ACER3: variants seen among roughly 807,000 people sequenced by gnomAD.
ACER3 encodes the protein alkaline ceramidase 3, also known as alkCDase 3.
In ACER3, 16 loss-of-function variants were observed where a neutral mutation model predicts 48.9. The ratio of observed to expected loss-of-function variants is 0.33; its 90% CI spans 0.22 to 0.50. The LOEUF (loss-of-function observed/expected upper bound fraction) is 0.50, where lower values mean the gene tolerates loss of function less well. Among genes scored for constraint, ACER3 ranks in the 20% least tolerant of loss-of-function variants. The pLI is 0.98. For missense variants in ACER3, 227 were observed against 326.0 expected, an observed-to-expected ratio of 0.70 and a Z score of 2.34; for synonymous variants, 109 against 107.8, an observed-to-expected ratio of 1.01 and a Z score of -0.07.
chr11:76,976,410 A>G (rs1948444914), intron 4 of ACER3, 69 bp downstream of exon 4: 13 of 839,500 alleles, frequency 1.5e-5, no homozygotes, highest in Admixed American at 5.2e-5. Context: ...GTGGATTAAT[A>G]TAACTGATAC....
intron 5 of ACER3, among the ~76,000 whole-genome samples, chr11:76,987,417 G>A (rs1948707895): frequency 6.6e-6 from 1 of 152,148 alleles, no homozygotes. Flanking sequence ...AGGAAACTTG[G>A]AGGATGAACA....
rs1423853482 is a variant in ACER3, at chr11:77,025,221, C to T, written c.*4894C>T. The T allele has an allele frequency of 2.0e-5, 3 of 151,860 alleles. No homozygotes were observed. The highest frequency in any genetic ancestry group is 4.4e-5 in the Non-Finnish European group (3 of 67,990). 9.4% of individuals were successfully genotyped at this position (151,860 alleles called of 1,614,324 possible). A position where few individuals can be genotyped will look rare whatever the true frequency, so the allele number is the denominator to read the frequency against. On this transcript the variant is annotated 3_prime_UTR_variant, in exon 11 of 11. Transcript: ENST00000532485. ...TCTTTAAGCATATACATATGGTTCC[C>T]TATAAGCATTCATTCAGAGATCATC...
rs76827693 is a variant in ACER3 at position 77,007,862 on chromosome 11, G to A, written c.498-7154G>A. On this transcript the variant is annotated intron_variant, in intron 7 of 10. Coordinates refer to ENST00000532485, the MANE Select transcript of ACER3 (RefSeq NM_018367.7). ...CCATTCAGCCTTTGTTGCATGAGTC[G>A]GAAATCTATTGCATGGCAGGGTGAC... Among the ~76,000 whole-genome samples the A allele has an allele frequency of 5.0e-3, 767 of 152,114 alleles. 28 individuals are homozygous for A. Among genetic ancestry groups the A allele is most frequent in the East Asian group, 0.045 (234 of 5,170 alleles).
chr11:76,904,422 C>T (rs919544207), intron 1 of ACER3, among the ~76,000 whole-genome samples: 1 of 152,104 alleles, frequency 6.6e-6, no homozygotes, highest in Non-Finnish European at 1.5e-5. Context: ...CCCTCCCTGC[C>T]ACCCCCCATA....
chr11:76,910,371 C>A (rs1279097552), intron 1 of ACER3, among the ~76,000 whole-genome samples: 3 of 152,118 alleles, frequency 2.0e-5, no homozygotes, highest in African/African-American at 4.8e-5. Context: ...TCCATTGAAT[C>A]TATTATTTTT....
intron 3 of ACER3, among the ~76,000 whole-genome samples, chr11:76,975,874 CTTTTTT>C (rs34786738): frequency 7.3e-5 from 6 of 82,742 alleles, no homozygotes; most frequent in African/African-American, 2.7e-4. Flanking sequence ...TTTTTCTTTT[CTTTTTT>C]TTTTTTTTTT....
chr11:76,868,003 C>T, intron 1 of ACER3: 2 of 823,640 alleles, frequency 2.4e-6, no homozygotes, highest in Non-Finnish European at 3.3e-6. Flanking sequence ...TTCCTTGCTG[C>T]TGCAGCACAA....
intron 2 of ACER3, among the ~76,000 whole-genome samples, chr11:76,928,892 A>T (rs1396016591): frequency 1.3e-5 from 2 of 152,048 alleles, no homozygotes; most frequent in Admixed American, 6.6e-5. Context: ...AGTCAGGTAG[A>T]GTGATGCCTC....
intron 4 of ACER3, among the ~76,000 whole-genome samples, chr11:76,976,582 A>G (rs949790373): frequency 2.0e-5 from 3 of 152,182 alleles, no homozygotes; most frequent in Non-Finnish European, 2.9e-5. Flanking sequence ...CTTAAATTCC[A>G]TAATTTTCCT....
chr11:76,987,965 A>G (rs142273572), intron 5 of ACER3, among the ~76,000 whole-genome samples: 116 of 152,278 alleles, frequency 7.6e-4, no homozygotes, highest in African/African-American at 2.6e-3. Flanking sequence ...TAAAAGTACA[A>G]CCTAATGAAA....
At chr11:76,984,019 A>T (rs1250720678) in intron 4 of ACER3, among the ~76,000 whole-genome samples, 1 of 151,526 alleles carries the variant, frequency 6.6e-6, no homozygotes, top group Non-Finnish European at 1.5e-5. Flanking sequence ...CGAACTCCTG[A>T]CCTTGTGATC....
At chr11:76,932,513 G>T (rs1947034445) in intron 2 of ACER3, among the ~76,000 whole-genome samples, 1 of 152,022 alleles carries the variant, frequency 6.6e-6, no homozygotes, top group Admixed American at 6.6e-5. Flanking sequence ...TTTTTCTGGG[G>T]TGTTTTCATA....
At chr11:76,983,645 C>T (rs1591029933) in intron 4 of ACER3, among the ~76,000 whole-genome samples, 1 of 152,002 alleles carries the variant, frequency 6.6e-6, no homozygotes, top group East Asian at 1.9e-4. Flanking sequence ...CTTTATATTC[C>T]AATTGTTCAT....
rs988193080 is a variant in ACER3 at position 76,976,374 on chromosome 11, A to C, written c.320+33A>C. The C allele has an allele frequency of 2.2e-6, 3 of 1,385,148 alleles. No individual in the cohort carries two copies. The African/African-American group carries it at 4.3e-5, about 20-fold the overall frequency. The allele number at this position is 1,385,148 out of a possible 1,614,324, so 85.8% of individuals were successfully genotyped here. On this transcript the variant is annotated intron_variant, in intron 4 of 10. Coordinates refer to ENST00000532485, the MANE Select transcript of ACER3 (RefSeq NM_018367.7). The stretch of plus-strand genomic sequence containing the variant: ...CTTTTAAAATTTCATTGTTTGATTT[A>C]TTTTTAAATTTATATTTACCTCATA...
At chr11:76,934,765 G>A (rs61000315) in intron 2 of ACER3, among the ~76,000 whole-genome samples, 3,096 of 150,830 alleles carry the variant, frequency 0.021, 126 homozygotes, top group African/African-American at 0.073. Flanking sequence ...GAGACGGAGA[G>A]GGAGAAGGAG....
At chr11:76,911,634 A>G (rs552604885) in intron 1 of ACER3, among the ~76,000 whole-genome samples, 13 of 152,292 alleles carry the variant, frequency 8.5e-5, no homozygotes, top group Admixed American at 3.3e-4. Flanking sequence ...TGACACTACC[A>G]TGGTGTTTAA....
intron 4 of ACER3, among the ~76,000 whole-genome samples, chr11:76,983,796 A>AT (rs35508689): frequency 7.6e-4 from 109 of 144,098 alleles, no homozygotes; most frequent in East Asian, 1.8e-3. Context: ...ACCTCTAATG[A>AT]TTTTTTTTTT....
chr11:76,969,773 C>T (rs1432805357), intron 3 of ACER3, among the ~76,000 whole-genome samples: 1 of 123,916 alleles, frequency 8.1e-6, no homozygotes, highest in Non-Finnish European at 1.6e-5. Context: ...GGAAGGGGAA[C>T]ATCAGACACT....
intron 6 of ACER3, 112 bp from the exon 7 acceptor site, chr11:76,998,651 G>A: frequency 1.5e-6 from 1 of 685,408 alleles, no homozygotes; most frequent in Non-Finnish European, 2.4e-6. Flanking sequence ...AAAATGTAGT[G>A]AAGGATAATA....
Sources: allele counts gnomAD v4.1 joint callset (sites outside exome capture counted in the v4.1 genomes callset), GRCh38; gene constraint gnomAD v4.1.1; transcripts MANE v1.5; gene names NCBI Gene and HGNC (gene_info 2026-07-23, HGNC 2026-07-21).